Variants in UBXN4 observed in about 807,000 individuals in gnomAD.
UBXN4 encodes UBX domain protein 4.
A neutral mutation model predicts 66.2 loss-of-function variants in UBXN4; 35 were observed. The observed-to-expected ratio is 0.53, with a 90% CI of 0.40 to 0.70. The LOEUF (loss-of-function observed/expected upper bound fraction) is 0.70. Ranked by LOEUF, UBXN4 falls within the 30% of genes least tolerant of loss-of-function variation. The probability of loss-of-function intolerance (pLI) is 0.00; values close to 1 mark genes in which losing one functional copy is unlikely to be tolerated. For synonymous variants in UBXN4, 203 were observed against 204.5 expected (o/e 0.99, Z 0.06); for missense variants, 533 against 599.8 (o/e 0.89, Z 1.16).
intron 9 of UBXN4, among the ~76,000 whole-genome samples, chr2:135,773,145 C>G (rs1465165170): frequency 6.6e-6 from 1 of 151,162 alleles, no homozygotes; most frequent in Non-Finnish European, 1.5e-5. Context: ...TATTAGGATT[C>G]TTTATTTTTC....
At chr2:135,769,631 G>GCAGA (rs1435654933) in intron 6 of UBXN4, 138 bp from the exon 7 acceptor site, 1 of 580,558 alleles carries the variant, frequency 1.7e-6, no homozygotes, top group Non-Finnish European at 2.7e-6. Flanking sequence ...CTGAAGCCAG[G>GCAGA]CAGATAAATA....
intron 6 of UBXN4, among the ~76,000 whole-genome samples, chr2:135,766,194 G>T (rs894687595): frequency 6.6e-6 from 1 of 151,448 alleles, no homozygotes; most frequent in Non-Finnish European, 1.5e-5. Flanking sequence ...AGAAGTTATG[G>T]AACAGTCAAT....
Position 135,741,992 on chromosome 2 carries a change from C to T in UBXN4, c.63C>T (p.Val21=), listed in dbSNP as rs374409228. The T allele has an allele frequency of 3.6e-4, 583 of 1,613,446 alleles. No homozygotes were observed. The highest frequency in any genetic ancestry group is 4.5e-4 in the Non-Finnish European group (535 of 1,179,726). The change falls in exon 1 of 13, where the codon GTC becomes GTT. Residue 21 remains valine, a synonymous_variant. Transcript: ENST00000272638. ...CGACGGCCAAAAGGAGCGGCGCGGT[C>T]TTCGTGGTGTTCGTGGCAGGTGAAG... ...AIATAKRSGA[V]FVVFVAGDDE...
intron 1 of UBXN4, among the ~76,000 whole-genome samples, chr2:135,742,314 A>G (rs1416372568): frequency 2.0e-5 from 3 of 152,064 alleles, no homozygotes; most frequent in African/African-American, 7.2e-5. Context: ...GGTTCGTTTG[A>G]GATACAGTGG....
intron 7 of UBXN4, among the ~76,000 whole-genome samples, 183 bp downstream of exon 7, chr2:135,770,006 G>A (rs541746921): frequency 4.6e-5 from 7 of 152,008 alleles, no homozygotes; most frequent in African/African-American, 7.2e-5. Flanking sequence ...TGTTCTTTTC[G>A]TAAATTACTA....
Position 135,780,017 on chromosome 2 carries a change from A to G in UBXN4, c.1186-166A>G, listed in dbSNP as rs929110103. ...TTTAAAAACTTCTGGGAGTCTTCAG[A>G]AGTTTATATATACGTGAAAAACAGC... On this transcript the variant is annotated intron_variant, in intron 11 of 12. Coordinates refer to ENST00000272638, the MANE Select transcript of UBXN4 (RefSeq NM_014607.4). 5 of 578,452 alleles carry G rather than the reference A, an allele frequency of 8.6e-6. No homozygotes were observed. In the African/African-American group the frequency reaches 9.4e-5, roughly 11 times the overall value. 35.8% of individuals were successfully genotyped at this position (578,452 alleles called of 1,614,324 possible).
intron 8 of UBXN4, 85 bp downstream of exon 8, chr2:135,770,820 A>G: frequency 7.9e-7 from 1 of 1,266,580 alleles, no homozygotes; most frequent in Non-Finnish European, 1.0e-6. Context: ...GCACACAAAA[A>G]TAGATTTTAG....
chr2:135,765,899 T>C (rs1397662919), intron 6 of UBXN4, among the ~76,000 whole-genome samples: 3 of 152,030 alleles, frequency 2.0e-5, no homozygotes, highest in Admixed American at 6.6e-5. Flanking sequence ...ATGCCTGTAA[T>C]CCCAGCACTT....
rs1329517107 is a variant in UBXN4, at chr2:135,753,706, CCT to C, written c.214+141_214+142del. 4.1e-6 allele frequency: 3 copies of C among 737,682 alleles called. No individual in the cohort carries two copies. The East Asian group carries it at 1.0e-4, about 24-fold the overall frequency. 45.7% of individuals were successfully genotyped at this position (737,682 alleles called of 1,614,324 possible). On this transcript the variant is annotated intron_variant, in intron 3 of 12. Coordinates refer to ENST00000272638, the MANE Select transcript of UBXN4 (RefSeq NM_014607.4). ...TTATGGAAACTTTATTACTAAGTGT[CCT>C]CATTTAAAAAAAATGTTATTATAGG... is the stretch of plus-strand genomic sequence containing the variant.
intron 5 of UBXN4, among the ~76,000 whole-genome samples, chr2:135,761,252 G>T (rs755720817): frequency 1.3e-5 from 2 of 152,150 alleles, no homozygotes; most frequent in Non-Finnish European, 2.9e-5. Flanking sequence ...ATCCTTCAAA[G>T]AAAACTAGCA....
At chr2:135,745,875 C>CCTTTTTTTT (rs1419818076) in intron 1 of UBXN4, among the ~76,000 whole-genome samples, 7 of 74,396 alleles carry the variant, frequency 9.4e-5, no homozygotes, top group African/African-American at 3.6e-4. Flanking sequence ...GTCCCGTTTA[C>CCTTTTTTTT]TTTTTTTTTT....
At position 135,778,174 on chromosome 2, in the gene UBXN4, C is replaced by CAA. The variant is rs570595581; in HGVS notation, c.1054-761_1054-760dup. ...CCTGGGCGACAGAGCAAGACTGTCT[C>CAA]AAAAAAAAAAAAAACAAAAAAAAAC... On this transcript the variant is annotated intron_variant, in intron 10 of 12. Transcript: ENST00000272638. Among the ~76,000 whole-genome samples, 41 of 72,362 alleles carry CAA rather than the reference C, an allele frequency of 5.7e-4. 1 individual carries two copies. The highest frequency in any genetic ancestry group is 2.0e-3 in the East Asian group (6 of 2,950). The allele number at this position is 72,362 out of a possible 152,430, so 47.5% of individuals were successfully genotyped here. A position where few individuals can be genotyped will look rare whatever the true frequency, so the allele number is the denominator to read the frequency against.
intron 10 of UBXN4, among the ~76,000 whole-genome samples, chr2:135,778,141 C>A (rs1272704016): frequency 3.4e-5 from 5 of 145,344 alleles, no homozygotes; most frequent in African/African-American, 1.3e-4. Context: ...CGCGCCACTG[C>A]ACTCCAGCCT....
chr2:135,775,852 C>A (rs2077411550), intron 9 of UBXN4, among the ~76,000 whole-genome samples: 1 of 152,130 alleles, frequency 6.6e-6, no homozygotes, highest in African/African-American at 2.4e-5. Context: ...CTGCAACCTA[C>A]ACCTCCCGGG....
Position 135,755,502 on chromosome 2 carries a change from T to A in UBXN4, c.334-15T>A. On this transcript the variant is annotated splice_polypyrimidine_tract_variant and intron_variant, in intron 4 of 12. Transcript: ENST00000272638. ...TCTTATCTATTAATTAAAATCCAAT[T>A]TATTTTCTGCCTAGATGCATTTGCT... The A allele has an allele frequency of 6.5e-7, 1 of 1,547,012 alleles. No individual in the cohort carries two copies. The highest frequency in any genetic ancestry group is 8.7e-7 in the Non-Finnish European group (1 of 1,144,024).
rs985107486 is a variant in UBXN4 at position 135,771,465 on chromosome 2, G to A, written c.822+730G>A. On this transcript the variant is annotated intron_variant, in intron 8 of 12. Coordinates refer to ENST00000272638, the MANE Select transcript of UBXN4 (RefSeq NM_014607.4). The stretch of plus-strand genomic sequence containing the variant: ...CACTCCAGCCTGGGCGACAAAAAGC[G>A]AAACTCCATCTCAAAAAAAAGAAAG... Among the ~76,000 whole-genome samples the A allele has an allele frequency of 4.0e-5, 6 of 151,892 alleles. No homozygotes were observed. In the East Asian group the frequency reaches 7.7e-4, roughly 20 times the overall value.
intron 1 of UBXN4, 123 bp downstream of exon 1, chr2:135,742,134 T>G: frequency 8.7e-7 from 1 of 1,155,286 alleles, no homozygotes; most frequent in Non-Finnish European, 1.2e-6. Flanking sequence ...CTCGCACAAT[T>G]GCCACTACTA....
chr2:135,780,547 A>T (rs73958636), intron 12 of UBXN4, among the ~76,000 whole-genome samples, 162 bp downstream of exon 12: 4,837 of 152,232 alleles, frequency 0.032, 238 homozygotes, highest in African/African-American at 0.11. Context: ...CATCATCTCT[A>T]CTGCAGAGCT....
At chr2:135,763,445 G>A (rs1461282287) in intron 6 of UBXN4, among the ~76,000 whole-genome samples, 1 of 152,180 alleles carries the variant, frequency 6.6e-6, no homozygotes, top group Non-Finnish European at 1.5e-5. Context: ...ATTATATGAA[G>A]TTCTATAAAG....
Sources: gnomAD v4.1 joint callset for allele counts (sites outside exome capture counted in the v4.1 genomes callset) on GRCh38, gnomAD v4.1.1 for gene constraint, MANE v1.5 for transcripts, NCBI Gene and HGNC (gene_info 2026-07-23, HGNC 2026-07-21) for gene names.